The following PDGFD variants were observed in gnomAD, a reference collection of about 807,000 sequenced individuals.
The protein encoded by PDGFD is platelet-derived growth factor D.
A neutral mutation model predicts 44.7 loss-of-function variants in PDGFD; 30 were observed. That is an observed-to-expected ratio of 0.67 (90% CI 0.50 to 0.91). The LOEUF (loss-of-function observed/expected upper bound fraction) is 0.91, where lower values mean the gene tolerates loss of function less well. Ranked by LOEUF, PDGFD falls within the 40% of genes least tolerant of loss-of-function variation. The probability of loss-of-function intolerance (pLI) is 0.00; values close to 1 mark genes in which losing one functional copy is unlikely to be tolerated. For synonymous variants in PDGFD, 173 were observed against 168.4 expected (o/e 1.03, Z -0.21); for missense variants, 445 against 457.8 (o/e 0.97, Z 0.25).
chr11:104,018,446 G>C (rs1468345656), intron 1 of PDGFD, among the ~76,000 whole-genome samples: 3 of 152,114 alleles, frequency 2.0e-5, no homozygotes, highest in Non-Finnish European at 4.4e-5. Flanking sequence ...GCCCTATCAT[G>C]TCTGCCATTG....
chr11:103,953,198 A>G (rs1486504818), intron 3 of PDGFD, among the ~76,000 whole-genome samples: 1 of 152,132 alleles, frequency 6.6e-6, no homozygotes, highest in Admixed American at 6.6e-5. Flanking sequence ...TATACATACA[A>G]AATGTATATA....
intron 1 of PDGFD, among the ~76,000 whole-genome samples, chr11:104,041,256 C>T (rs941602765): frequency 3.9e-5 from 6 of 151,966 alleles, no homozygotes; most frequent in Non-Finnish European, 7.4e-5. Flanking sequence ...GGGTAGAAGA[C>T]AGACTTGTAA....
chr11:103,912,704 G>A (rs1268291866), intron 6 of PDGFD, among the ~76,000 whole-genome samples: 5 of 151,924 alleles, frequency 3.3e-5, no homozygotes, highest in Admixed American at 3.3e-4. Flanking sequence ...AAAGAGTCAA[G>A]ACCCATCAGT....
At chr11:103,910,811 G>A (rs1157601044) in intron 6 of PDGFD, among the ~76,000 whole-genome samples, 1 of 152,212 alleles carries the variant, frequency 6.6e-6, no homozygotes, top group Non-Finnish European at 1.5e-5. Flanking sequence ...ATGGAGCCCA[G>A]CTAGCTAAGA....
At chr11:103,916,350 T>C (rs558065204) in intron 6 of PDGFD, among the ~76,000 whole-genome samples, 87 of 152,278 alleles carry the variant, frequency 5.7e-4, no homozygotes, top group African/African-American at 2.0e-3. Flanking sequence ...CTCATCATCA[T>C]TGGTCGTTAG....
At chr11:104,023,308 A>G (rs1859992499) in intron 1 of PDGFD, among the ~76,000 whole-genome samples, 1 of 152,164 alleles carries the variant, frequency 6.6e-6, no homozygotes, top group South Asian at 2.1e-4. Context: ...CATTTCTAAT[A>G]GAATGTCAGC....
intron 1 of PDGFD, among the ~76,000 whole-genome samples, chr11:104,086,891 T>G (rs1345647390): frequency 6.6e-6 from 1 of 152,180 alleles, no homozygotes; most frequent in East Asian, 1.9e-4. Flanking sequence ...GCAGGAAAAT[T>G]AGAGTCTACG....
chr11:104,074,149 C>T (rs758453641), intron 1 of PDGFD, among the ~76,000 whole-genome samples: 11 of 152,078 alleles, frequency 7.2e-5, no homozygotes, highest in Non-Finnish European at 1.3e-4. Flanking sequence ...CTGAGTAATG[C>T]AGGATGAGTA....
chr11:103,978,378 C>A (rs537016114), intron 3 of PDGFD, among the ~76,000 whole-genome samples: 26 of 152,126 alleles, frequency 1.7e-4, no homozygotes, highest in Non-Finnish European at 2.6e-4. Context: ...TGTCCCCACA[C>A]AGAAAATTAA....
At chr11:104,081,338 G>A (rs1394339404) in intron 1 of PDGFD, among the ~76,000 whole-genome samples, 1 of 151,978 alleles carries the variant, frequency 6.6e-6, no homozygotes, top group East Asian at 1.9e-4. Flanking sequence ...TGCATTTTCA[G>A]GCTCTTATTG....
intron 1 of PDGFD, among the ~76,000 whole-genome samples, chr11:104,078,655 A>G (rs1328381449): frequency 6.6e-6 from 1 of 152,262 alleles, no homozygotes; most frequent in Non-Finnish European, 1.5e-5. Flanking sequence ...AAAAATGCTT[A>G]TGAGTACATT....
At chr11:103,919,870 G>T (rs1254459454) in intron 6 of PDGFD, among the ~76,000 whole-genome samples, 1 of 146,438 alleles carries the variant, frequency 6.8e-6, no homozygotes, top group Non-Finnish European at 1.5e-5. Flanking sequence ...AAAAAAAAAA[G>T]CTTCTCTTTT....
intron 6 of PDGFD, among the ~76,000 whole-genome samples, chr11:103,925,716 C>CATATATATATATATATATATAT (rs370841769): frequency 2.7e-4 from 33 of 122,750 alleles, no homozygotes; most frequent in African/African-American, 1.0e-3. Flanking sequence ...CACACACACA[C>CATATATATATATATATATATAT]ATATATATAT....
chr11:103,966,690 G>C (rs1461909032), intron 3 of PDGFD, among the ~76,000 whole-genome samples: 1 of 152,102 alleles, frequency 6.6e-6, no homozygotes, highest in Non-Finnish European at 1.5e-5. Flanking sequence ...CTTTAAATTG[G>C]ATTTCTGACA....
At chr11:103,999,272 C>T (rs1418224147) in intron 2 of PDGFD, among the ~76,000 whole-genome samples, 1 of 151,896 alleles carries the variant, frequency 6.6e-6, no homozygotes, top group African/African-American at 2.4e-5. Context: ...TTCAGTAGTT[C>T]ATTGGCAATG....
At chr11:104,119,003 A>T (rs369828899) in intron 1 of PDGFD, among the ~76,000 whole-genome samples, 1 of 7,584 alleles carries the variant, frequency 1.3e-4, no homozygotes, top group African/African-American at 4.9e-4. Context: ...ATATAATAAA[A>T]TAATATAATA....
intron 1 of PDGFD, among the ~76,000 whole-genome samples, chr11:104,090,578 G>A (rs540468129): frequency 8.6e-4 from 128 of 149,676 alleles, no homozygotes; most frequent in Admixed American, 2.2e-3. Context: ...GCAGTGAGCC[G>A]ACATCACACC....
chr11:104,018,076 A>G (rs1859887376), intron 1 of PDGFD, among the ~76,000 whole-genome samples: 1 of 152,114 alleles, frequency 6.6e-6, no homozygotes. Context: ...AAAATTTAAC[A>G]TGTGCCATTT....
intron 1 of PDGFD, among the ~76,000 whole-genome samples, chr11:104,156,968 C>A (rs150014154): frequency 1.3e-3 from 201 of 152,314 alleles, no homozygotes; most frequent in African/African-American, 4.6e-3. Flanking sequence ...ATATTACCCC[C>A]TGTAGCTTTT....
Sources: gnomAD v4.1 joint callset for allele counts (sites outside exome capture counted in the v4.1 genomes callset) on GRCh38, gnomAD v4.1.1 for gene constraint, MANE v1.5 for transcripts, NCBI Gene and HGNC (gene_info 2026-07-23, HGNC 2026-07-21) for gene names.